The following PKIG variants were observed in gnomAD, a reference collection of about 807,000 sequenced individuals.
PKIG encodes protein kinase (cAMP-dependent, catalytic) inhibitor gamma.
In PKIG, 1 loss-of-function variant was observed where a neutral mutation model predicts 6.8. The observed-to-expected ratio is 0.15, with a 90% CI of 0.05 to 0.69. The LOEUF is 0.69. Ranked by LOEUF, PKIG falls within the 30% of genes least tolerant of loss-of-function variation. The probability of loss-of-function intolerance (pLI) is 0.82; values close to 1 mark genes in which losing one functional copy is unlikely to be tolerated. For synonymous variants in PKIG, 39 were observed against 43.0 expected (o/e 0.91, Z 0.36); for missense variants, 77 against 104.0 (o/e 0.74, Z 1.13).
intron 1 of PKIG, among the ~76,000 whole-genome samples, chr20:44,548,736 A>G (rs1010904017): frequency 6.6e-6 from 1 of 152,134 alleles, no homozygotes; most frequent in African/African-American, 2.4e-5. Context: ...CTACTTTCCT[A>G]AAGCCAGAAT....
chr20:44,571,225 A>G (rs2064851364), intron 1 of PKIG, among the ~76,000 whole-genome samples: 1 of 116,418 alleles, frequency 8.6e-6, no homozygotes, highest in South Asian at 3.0e-4. Context: ...GAGAGACTCA[A>G]ATAATAATAA....
intron 1 of PKIG, among the ~76,000 whole-genome samples, chr20:44,559,085 C>A (rs1299830875): frequency 2.0e-5 from 3 of 152,164 alleles, no homozygotes; most frequent in Non-Finnish European, 4.4e-5. Flanking sequence ...TCCATCTCAT[C>A]TGCCTGTTTT....
At chr20:44,592,972 A>G (rs944043253) in intron 2 of PKIG, among the ~76,000 whole-genome samples, 6 of 152,152 alleles carry the variant, frequency 3.9e-5, no homozygotes, top group African/African-American at 1.4e-4. Context: ...CTATGAAACC[A>G]TGAAAGACCC....
In PKIG at chr20:44,599,326, C is replaced by T. The variant is rs149097096; in HGVS notation, c.-24+9460C>T. Reference sequence around the variant, plus strand: ...GCTCCCTAACCTTGCTGAGTTTCAGCTGCCTCTTTTGTACTATGGGATAAT... The same window carrying T: ...GCTCCCTAACCTTGCTGAGTTTCAGTTGCCTCTTTTGTACTATGGGATAAT... On this transcript the variant is annotated intron_variant, in intron 2 of 3. Coordinates refer to ENST00000372886, the MANE Select transcript of PKIG (RefSeq NM_001281445.2). Among the ~76,000 whole-genome samples, 228 of 152,342 alleles carry T rather than the reference C, an allele frequency of 1.5e-3. 1 individual carries two copies. Among genetic ancestry groups the T allele is most frequent in the African/African-American group, 5.1e-3 (214 of 41,572 alleles).
intron 1 of PKIG, among the ~76,000 whole-genome samples, chr20:44,554,043 G>A (rs2064691486): frequency 1.3e-5 from 2 of 151,992 alleles, no homozygotes; most frequent in African/African-American, 2.4e-5. Context: ...TGACAGCAGA[G>A]CATTGTAGAC....
chr20:44,614,253 T>C lies in PKIG; in HGVS notation c.-23-281T>C. ...TCATGGTGGTATCTGTGCCAGTGCC[T>C]GGCGCATGGTATTAATAAATGTGTG... On this transcript the variant is annotated intron_variant, in intron 2 of 3. Transcript: ENST00000372886. The surrounding 1 kb of genome is among the most constrained non-coding windows in gnomAD (Gnocchi z 4.6). The C allele has an allele frequency of 3.8e-6, 1 of 261,624 alleles. No homozygotes were observed. Among genetic ancestry groups the C allele is most frequent in the Non-Finnish European group, 7.4e-6 (1 of 135,008 alleles). 16.2% of individuals were successfully genotyped at this position (261,624 alleles called of 1,614,324 possible).
intron 3 of PKIG, among the ~76,000 whole-genome samples, chr20:44,616,753 G>A: frequency 6.6e-6 from 1 of 152,232 alleles, no homozygotes; most frequent in East Asian, 1.9e-4. Context: ...GCAGGGAGCA[G>A]TTCCGTTTCA....
chr20:44,535,281 A>G (rs1181887896), intron 1 of PKIG, among the ~76,000 whole-genome samples: 1 of 152,124 alleles, frequency 6.6e-6, no homozygotes, highest in Non-Finnish European at 1.5e-5. Context: ...GAGAAGGGGT[A>G]GGTTAAAAAA....
In PKIG at chr20:44,618,442, A is replaced by AT; in HGVS notation, c.*78_*79insT. On this transcript the variant is annotated 3_prime_UTR_variant, in exon 4 of 4. Coordinates refer to ENST00000372886, the MANE Select transcript of PKIG (RefSeq NM_001281445.2). ...GGGGGAACCCTGGCACTGGCCCAGC[A>AT]GCCTCTTCTCTGAGCTCCATGTCCC... The AT allele has an allele frequency of 1.0e-6, 1 of 974,702 alleles. No homozygotes were observed. Among genetic ancestry groups the AT allele is most frequent in the Non-Finnish European group, 1.7e-6 (1 of 600,280 alleles). The allele number at this position is 974,702 out of a possible 1,614,324, so 60.4% of individuals were successfully genotyped here.
At chr20:44,572,096 C>CGGGTTCAAG in intron 1 of PKIG, among the ~76,000 whole-genome samples, 1 of 152,268 alleles carries the variant, frequency 6.6e-6, no homozygotes, top group East Asian at 1.9e-4. Context: ...CTCTGCCTCC[C>CGGGTTCAAG]GGGTTCAAGC....
intron 2 of PKIG, among the ~76,000 whole-genome samples, chr20:44,603,407 C>T (rs1051762589): frequency 6.6e-6 from 1 of 152,138 alleles, no homozygotes; most frequent in South Asian, 2.1e-4. Flanking sequence ...TGACTGTTAG[C>T]CCCGCTTTGC....
Position 44,608,568 on chromosome 20 carries a change from C to T in PKIG, c.-23-5966C>T, listed in dbSNP as rs547739222. ...CTGTAATCCCAACACTTTGGAAGTCCGAGGCAGGAGGATCACTTGAGCCCA... is the reference window on the plus strand; with the variant it reads ...CTGTAATCCCAACACTTTGGAAGTCTGAGGCAGGAGGATCACTTGAGCCCA... On this transcript the variant is annotated intron_variant, in intron 2 of 3. Coordinates refer to ENST00000372886, the MANE Select transcript of PKIG (RefSeq NM_001281445.2). Among the ~76,000 whole-genome samples the T allele has an allele frequency of 9.2e-5, 14 of 152,172 alleles. No homozygotes were observed. The South Asian group carries it at 1.7e-3, about 18-fold the overall frequency.
At chr20:44,533,324 C>T (rs904856056) in intron 1 of PKIG, among the ~76,000 whole-genome samples, 3 of 152,174 alleles carry the variant, frequency 2.0e-5, no homozygotes, top group African/African-American at 7.2e-5. Context: ...ACCACTGCAC[C>T]TGGCTAATTC....
intron 1 of PKIG, among the ~76,000 whole-genome samples, chr20:44,574,346 G>GTT (rs59551871): frequency 2.0e-5 from 3 of 151,494 alleles, no homozygotes; most frequent in Non-Finnish European, 2.9e-5. Context: ...TCGAGATATG[G>GTT]TTTTTTTTAA....
At chr20:44,556,272 A>C (rs2064712261) in intron 1 of PKIG, among the ~76,000 whole-genome samples, 1 of 152,224 alleles carries the variant, frequency 6.6e-6, no homozygotes, top group East Asian at 1.9e-4. Context: ...TGTTTGGCTT[A>C]TATATCACAT....
chr20:44,607,771 A>G (rs375404637), intron 2 of PKIG, among the ~76,000 whole-genome samples: 5 of 132,680 alleles, frequency 3.8e-5, no homozygotes, highest in South Asian at 4.8e-4. Context: ...TGCAAGCTCC[A>G]CCTCCTGGGT....
intron 2 of PKIG, among the ~76,000 whole-genome samples, chr20:44,591,359 C>T (rs748229094): frequency 1.3e-5 from 2 of 152,140 alleles, no homozygotes; most frequent in East Asian, 1.9e-4. Context: ...AATGGAAAGT[C>T]GCTGGAGGGC....
intron 1 of PKIG, among the ~76,000 whole-genome samples, chr20:44,577,527 C>T (rs2064909521): frequency 6.6e-6 from 1 of 152,116 alleles, no homozygotes; most frequent in South Asian, 2.1e-4. Flanking sequence ...TTCTTTTTTC[C>T]TGTTCTTCTG....
intron 1 of PKIG, among the ~76,000 whole-genome samples, chr20:44,552,594 G>A (rs1428622934): frequency 1.3e-5 from 2 of 152,128 alleles, no homozygotes; most frequent in Non-Finnish European, 2.9e-5. Context: ...AATCAAATCT[G>A]GTGCTGCCAC....
Sources: allele counts gnomAD v4.1 joint callset (sites outside exome capture counted in the v4.1 genomes callset), GRCh38; gene constraint gnomAD v4.1.1; non-coding constraint Gnocchi (gnomAD v3.1); transcripts MANE v1.5; gene names NCBI Gene and HGNC (gene_info 2026-07-23, HGNC 2026-07-21).